Variants in MBNL3 observed in about 807,000 individuals in gnomAD.
MBNL3 encodes the protein muscleblind like splicing regulator 3, also known as muscleblind-like protein 3.
In MBNL3, 6 loss-of-function variants were observed where a neutral mutation model predicts 24.5. That is an observed-to-expected ratio of 0.25 (90% CI 0.13 to 0.48). MBNL3 has a LOEUF of 0.48. Ranked by LOEUF, MBNL3 falls within the 20% of genes least tolerant of loss-of-function variation. MBNL3 has a pLI of 0.99. For missense variants in MBNL3, 230 were observed against 293.5 expected (o/e 0.78, Z 1.58); for synonymous variants, 100 against 101.7 (o/e 0.98, Z 0.10).
In MBNL3 at chrX:132,439,462, A is replaced by G; in HGVS notation, c.150T>C (p.Arg50=). Residue 50 remains arginine (R), a synonymous_variant, in exon 2 of 9, where the codon CGT becomes CGC. Coordinates refer to ENST00000370853, the MANE Select transcript of MBNL3 (RefSeq NM_001386889.1). ...TTAGAGAATCAAAACAGGCCACCAC[A>G]CGACCATTTTCCACATGGCAAACTC... is the stretch of plus-strand genomic sequence containing the variant. The part of the protein sequence containing the change: ...PPRVCHVENG[R]VVACFDSLKG... 8.3e-7 allele frequency: 1 copy of G among 1,206,310 alleles called. No individual in the cohort carries two copies. Among genetic ancestry groups the G allele is most frequent in the Non-Finnish European group, 1.1e-6 (1 of 893,149 alleles).
At chrX:132,418,494 T>A (rs771029497) in intron 2 of MBNL3, among the ~76,000 whole-genome samples, 1 of 111,880 alleles carries the variant, frequency 8.9e-6, no homozygotes, top group Non-Finnish European at 1.9e-5. Context: ...TCATACTCAA[T>A]CAAGATACTG....
Position 132,396,898 on chromosome X carries a change from TCATATATA to T in MBNL3, c.343-4572_343-4565del, listed in dbSNP as rs1240177151. 4.8e-4 allele frequency among the ~76,000 whole-genome samples: 27 copies of T among 55,766 alleles called. 1 individual carries two copies. Among genetic ancestry groups the T allele is most frequent in the South Asian group, 8.2e-4 (1 of 1,220 alleles). The allele number at this position is 55,766 out of a possible 115,157, so 48.4% of individuals were successfully genotyped here. A position where few individuals can be genotyped will look rare whatever the true frequency, so the allele number is the denominator to read the frequency against. On this transcript the variant is annotated intron_variant, in intron 3 of 8. Transcript: ENST00000370853. ...TATACATATATATTCATATATATAT[TCATATATA>T]CATATATACATATATATTCATATAT... is the stretch of plus-strand genomic sequence containing the variant.
chrX:132,471,305 A>G (rs1331095665), intron 1 of MBNL3, among the ~76,000 whole-genome samples: 2 of 112,857 alleles, frequency 1.8e-5, no homozygotes, highest in Non-Finnish European at 3.7e-5. Context: ...ACATTAAAAT[A>G]AAAAGATATG....
chrX:132,405,022 A>G (rs1185969999), intron 3 of MBNL3, among the ~76,000 whole-genome samples: 7 of 111,985 alleles, frequency 6.3e-5, no homozygotes, highest in Non-Finnish European at 1.3e-4. Flanking sequence ...ACAGTTTTCA[A>G]TTCTCCCTAA....
At chrX:132,479,642 A>C (rs1167397421) in intron 1 of MBNL3, among the ~76,000 whole-genome samples, 7 of 111,778 alleles carry the variant, frequency 6.3e-5, no homozygotes. Context: ...TCCCTGGATT[A>C]CTGAATATTT....
At chrX:132,450,347 G>C (rs1040176918) in intron 1 of MBNL3, among the ~76,000 whole-genome samples, 2 of 111,018 alleles carry the variant, frequency 1.8e-5, no homozygotes, top group Admixed American at 1.9e-4. Flanking sequence ...ATTTCTTTGG[G>C]GGCTTTGTTC....
chrX:132,447,242 T>G (rs1945776825), intron 1 of MBNL3, among the ~76,000 whole-genome samples: 1 of 111,914 alleles, frequency 8.9e-6, no homozygotes, highest in Admixed American at 9.5e-5. Flanking sequence ...TGCGGGTTCT[T>G]TTTTGGTTCC....
At chrX:132,480,345 C>G (rs944687002) in intron 1 of MBNL3, among the ~76,000 whole-genome samples, 2 of 112,060 alleles carry the variant, frequency 1.8e-5, no homozygotes, top group Non-Finnish European at 1.9e-5. Context: ...AAGTTTTTGT[C>G]CACTTTACTA....
chrX:132,426,084 G>A (rs1041697719), intron 2 of MBNL3, among the ~76,000 whole-genome samples: 3 of 111,819 alleles, frequency 2.7e-5, no homozygotes, highest in Non-Finnish European at 3.8e-5. Flanking sequence ...AGAGATCTCT[G>A]TGTACCTCTC....
intron 2 of MBNL3, among the ~76,000 whole-genome samples, chrX:132,428,249 C>T (rs1193152414): frequency 9.1e-6 from 1 of 110,334 alleles, no homozygotes; most frequent in Non-Finnish European, 1.9e-5. Context: ...AACAAGATAC[C>T]GAAAAATGAT....
intron 1 of MBNL3, among the ~76,000 whole-genome samples, chrX:132,446,598 GTTGT>G (rs1352436899): frequency 1.1e-4 from 12 of 112,076 alleles, no homozygotes; most frequent in Admixed American, 3.8e-4. Flanking sequence ...TTTTGATGGG[GTTGT>G]TTGTTTTTTC....
chrX:132,446,529 G>A (rs985579307), intron 1 of MBNL3, among the ~76,000 whole-genome samples: 3 of 112,260 alleles, frequency 2.7e-5, no homozygotes, highest in Non-Finnish European at 5.6e-5. Context: ...TTTTTCATAT[G>A]TTTGTTGATC....
intron 2 of MBNL3, among the ~76,000 whole-genome samples, chrX:132,407,706 C>A (rs772617877): frequency 9.0e-6 from 1 of 111,576 alleles, no homozygotes; most frequent in African/African-American, 3.3e-5. Flanking sequence ...AAATGTACCC[C>A]TAAGAGAGAC....
intron 2 of MBNL3, among the ~76,000 whole-genome samples, chrX:132,429,331 A>G (rs950619573): frequency 6.2e-5 from 7 of 112,175 alleles, no homozygotes; most frequent in Non-Finnish European, 1.1e-4. Flanking sequence ...AGTTTCATGC[A>G]GTGAAGATGT....
chrX:132,417,356 C>A lies in MBNL3; in HGVS notation c.178-10964G>T, dbSNP rs1057024837. Among the ~76,000 whole-genome samples, 5 of 111,515 alleles carry A rather than the reference C, an allele frequency of 4.5e-5. No homozygotes were observed. The Admixed American group carries it at 4.8e-4, about 11-fold the overall frequency. On this transcript the variant is annotated intron_variant, in intron 2 of 8. Transcript: ENST00000370853. ...CTTTTTGCTTTAAAATAAATCAATG[C>A]CTCAACCATAAATGTCTCATGGCCT...
intron 6 of MBNL3, 118 bp from the exon 7 acceptor site, chrX:132,384,816 C>T (rs934953885): frequency 5.0e-5 from 26 of 522,223 alleles, no homozygotes; most frequent in Non-Finnish European, 7.3e-5. Flanking sequence ...TTACTCAGCA[C>T]ATGCAAGTCC....
At chrX:132,384,977 T>C (rs1217383876) in intron 6 of MBNL3, among the ~76,000 whole-genome samples, 1 of 111,598 alleles carries the variant, frequency 9.0e-6, no homozygotes, top group Non-Finnish European at 1.9e-5. Flanking sequence ...TGTGGACAAA[T>C]ACATCCTAAA....
chrX:132,464,757 C>G (rs1017647746), intron 1 of MBNL3, among the ~76,000 whole-genome samples: 14 of 111,849 alleles, frequency 1.3e-4, no homozygotes, highest in Admixed American at 1.2e-3. Context: ...TAAAAACCAT[C>G]TGGCCGGTGC....
At chrX:132,469,958 C>A (rs903470227) in intron 1 of MBNL3, among the ~76,000 whole-genome samples, 3 of 111,769 alleles carry the variant, frequency 2.7e-5, no homozygotes, top group Non-Finnish European at 3.8e-5. Context: ...TAAATTGAAT[C>A]ATATCGTAGG....
Sources: allele counts gnomAD v4.1 joint callset (sites outside exome capture counted in the v4.1 genomes callset), GRCh38; gene constraint gnomAD v4.1.1; transcripts MANE v1.5; gene names NCBI Gene and HGNC (gene_info 2026-07-23, HGNC 2026-07-21).